NECTIN1: variants seen among roughly 807,000 people sequenced by gnomAD.
NECTIN1 encodes the protein nectin cell adhesion molecule 1.
Under a neutral mutation model 48.0 loss-of-function variants are expected in NECTIN1, and 23 were observed. That is an observed-to-expected ratio of 0.48 (90% CI 0.34 to 0.68). The LOEUF (loss-of-function observed/expected upper bound fraction) is 0.68. NECTIN1 is among the 30% of genes least tolerant of loss of function. The pLI, the probability that NECTIN1 is intolerant of heterozygous loss-of-function variation, is 0.01. For missense variants in NECTIN1, 591 were observed against 709.9 expected (o/e 0.83, Z 1.90); for synonymous variants, 270 against 288.9 (o/e 0.93, Z 0.66).
At position 119,678,339 on chromosome 11, in the gene NECTIN1, G is replaced by A; in HGVS notation, c.430+76C>T. On this transcript the variant is annotated intron_variant, in intron 2 of 5. Transcript: ENST00000264025. The surrounding 1 kb of genome is among the most constrained non-coding windows in gnomAD (Gnocchi z 4.4). ...CCCAAGGGGGATGTCTGGGGTCATT[G>A]AGGCATCCTGAGGATGGCCACGCCC... 2.2e-6 allele frequency: 3 copies of A among 1,339,240 alleles called. No homozygotes were observed. Among genetic ancestry groups the A allele is most frequent in the Non-Finnish European group, 3.2e-6 (3 of 933,822 alleles). The allele number at this position is 1,339,240 out of a possible 1,614,324, so 83.0% of individuals were successfully genotyped here.
At chr11:119,681,637 C>T (rs1043963177) in intron 1 of NECTIN1, among the ~76,000 whole-genome samples, 4 of 152,116 alleles carry the variant, frequency 2.6e-5, no homozygotes, top group African/African-American at 7.2e-5. Context: ...CCCAGAGGCC[C>T]CCTTACATCT....
At chr11:119,726,252 G>A (rs1397111035) in intron 1 of NECTIN1, among the ~76,000 whole-genome samples, 1 of 152,180 alleles carries the variant, frequency 6.6e-6, no homozygotes, top group Non-Finnish European at 1.5e-5. Context: ...AAGCCAGCAG[G>A]TGATGCAAAG....
intron 1 of NECTIN1, among the ~76,000 whole-genome samples, chr11:119,702,019 T>A (rs928361015): frequency 1.3e-5 from 2 of 152,248 alleles, no homozygotes; most frequent in Non-Finnish European, 2.9e-5. Context: ...CGGCCTGCCC[T>A]GCTCTGGGAA....
At chr11:119,675,662 C>G (rs2135549919) in intron 4 of NECTIN1, 1 of 279,102 alleles carries the variant, frequency 3.6e-6, no homozygotes, top group Middle Eastern at 1.3e-3. Flanking sequence ...TTTCTACTTT[C>G]CATTCACGTC....
Position 119,664,993 on chromosome 11 carries a change from A to C in NECTIN1, c.1308T>G (p.Tyr436Ter), listed in dbSNP as rs775628224. The change falls in exon 6 of 6, where the codon TAT becomes TAG. Residue 436 changes from tyrosine (Y) to a stop codon, truncating the protein, a stop_gained. Transcript: ENST00000264025. LOFTEE classifies it high-confidence loss of function. ...KKAGPLGGSSYEEEEEEEEGG... is the reference protein window; with the variant it reads ...KKAGPLGGSS ...CCTCCTCCTCCTCCTCCTCCTCCTC[A>C]TAGCTGCTTCCACCCAGTGGGCCGG... The C allele has an allele frequency of 6.2e-7, 1 of 1,608,426 alleles. No individual in the cohort carries two copies. The highest frequency in any genetic ancestry group is 8.5e-7 in the Non-Finnish European group (1 of 1,176,158).
At chr11:119,685,243 G>A (rs1051073779) in intron 1 of NECTIN1, among the ~76,000 whole-genome samples, 1 of 152,234 alleles carries the variant, frequency 6.6e-6, no homozygotes, top group South Asian at 2.1e-4. Context: ...CCTCCTTTGG[G>A]GTCACAAAAA....
rs1433163415 is a variant in NECTIN1, at chr11:119,673,235, G to T, written c.1003+1924C>A. 6.6e-6 allele frequency among the ~76,000 whole-genome samples: 1 copy of T among 152,124 alleles called. No individual in the cohort carries two copies. The highest frequency in any genetic ancestry group is 1.5e-5 in the Non-Finnish European group (1 of 68,022). On this transcript the variant is annotated intron_variant, in intron 5 of 5. Transcript: ENST00000264025. The surrounding 1 kb of genome is among the most constrained non-coding windows in gnomAD (Gnocchi z 5.8). ...CACAAGAACAAACAGCCCTGAGAAG[G>T]CTCAGGCCAACTCCCTGAGTCCTCT...
chr11:119,648,231 G>A (rs921637200), intron 5 of NECTIN1, among the ~76,000 whole-genome samples: 1 of 114,898 alleles, frequency 8.7e-6, no homozygotes, highest in Non-Finnish European at 1.9e-5. Context: ...CAGTGATGAT[G>A]GTGGTGATAG....
downstream of NECTIN1, among the ~76,000 whole-genome samples, chr11:119,660,410 C>G (rs1489065849): frequency 4.7e-5 from 7 of 150,358 alleles, no homozygotes; most frequent in African/African-American, 1.7e-4. Flanking sequence ...TGGGGGGGTA[C>G]AGGAGGGGTG....
In NECTIN1 at chr11:119,638,597, C is replaced by A; in HGVS notation, c.1227+134G>T. The A allele has an allele frequency of 3.5e-6, 3 of 857,066 alleles. 1 individual carries two copies. The allele number at this position is 857,066 out of a possible 1,614,324, so 53.1% of individuals were successfully genotyped here. A position where few individuals can be genotyped will look rare whatever the true frequency, so the allele number is the denominator to read the frequency against. On this transcript the variant is annotated intron_variant, in intron 7 of 7. Transcript: ENST00000341398. ...GGCAGATGGATCCCTCTAGCATGGA[C>A]CTGGCCTTGTGGGAACTGGACCATG...
rs1591449593 is a variant in NECTIN1, at chr11:119,665,433, C to A, written c.1004-136G>T. On this transcript the variant is annotated intron_variant, in intron 5 of 5. Transcript: ENST00000264025. The surrounding 1 kb of genome is among the most constrained non-coding windows in gnomAD (Gnocchi z 5.1). ...ACCCCAGGTTTGAGCAGCTCCAGTT[C>A]GAGGCCCCGCAGCACTCCACCCATC... 4 of 1,415,398 alleles carry A rather than the reference C, an allele frequency of 2.8e-6. No individual in the cohort carries two copies. Among genetic ancestry groups the A allele is most frequent in the Non-Finnish European group, 3.7e-6 (4 of 1,079,804 alleles). 87.7% of individuals were successfully genotyped at this position (1,415,398 alleles called of 1,614,324 possible). A position where few individuals can be genotyped will look rare whatever the true frequency, so the allele number is the denominator to read the frequency against.
chr11:119,694,516 C>A (rs1355222541), intron 1 of NECTIN1, among the ~76,000 whole-genome samples: 5 of 152,152 alleles, frequency 3.3e-5, no homozygotes, highest in Admixed American at 1.3e-4. Context: ...AGGCCTGGGT[C>A]CCCTGGAAGC....
At chr11:119,703,888 G>A (rs545678600) in intron 1 of NECTIN1, among the ~76,000 whole-genome samples, 17 of 152,314 alleles carry the variant, frequency 1.1e-4, no homozygotes, top group Admixed American at 7.8e-4. Context: ...CTGCATCCAG[G>A]ATGCCGGGCT....
At chr11:119,682,250 C>T (rs962327965) in intron 1 of NECTIN1, among the ~76,000 whole-genome samples, 11 of 152,078 alleles carry the variant, frequency 7.2e-5, no homozygotes, top group African/African-American at 2.4e-4. Context: ...GCAGGGATCA[C>T]CACCGGAAAG....
downstream of NECTIN1, among the ~76,000 whole-genome samples, chr11:119,658,327 C>T (rs537751629): frequency 2.0e-5 from 3 of 152,200 alleles, no homozygotes; most frequent in East Asian, 5.8e-4. Context: ...GGAGTGGAAC[C>T]GCAGTCCCCC....
intron 5 of NECTIN1, among the ~76,000 whole-genome samples, chr11:119,651,000 G>T (rs906556022): frequency 1.3e-5 from 2 of 152,172 alleles, no homozygotes; most frequent in Non-Finnish European, 2.9e-5. Context: ...AATGATCTTT[G>T]AGGTTCCATC....
chr11:119,645,633 C>T (rs1864387822), intron 5 of NECTIN1, among the ~76,000 whole-genome samples: 1 of 152,206 alleles, frequency 6.6e-6, no homozygotes, highest in African/African-American at 2.4e-5. Flanking sequence ...TTGTCCCACA[C>T]ATGCCTTGCT....
chr11:119,663,417 C>G lies in NECTIN1; in HGVS notation c.*1330G>C, dbSNP rs891490437. 4.2e-5 allele frequency: 41 copies of G among 985,368 alleles called. No homozygotes were observed. In the African/African-American group the frequency reaches 6.5e-4, roughly 16 times the overall value. 61.0% of individuals were successfully genotyped at this position (985,368 alleles called of 1,614,324 possible). ...GAATCTGCACTGAAAGGGAGGGCTTCTCCTAGGCCCTCCCCTCATCCCAGA... is the reference window on the plus strand; with the variant it reads ...GAATCTGCACTGAAAGGGAGGGCTTGTCCTAGGCCCTCCCCTCATCCCAGA... On this transcript the variant is annotated 3_prime_UTR_variant, in exon 6 of 6. Coordinates refer to ENST00000264025, the MANE Select transcript of NECTIN1 (RefSeq NM_002855.5).
At chr11:119,675,077 G>T in intron 5 of NECTIN1, 82 bp downstream of exon 5, 1 of 1,476,900 alleles carries the variant, frequency 6.8e-7, no homozygotes, top group Non-Finnish European at 9.4e-7. Flanking sequence ...TCTTCCTGCA[G>T]TGGCATTGCT....
Sources: gnomAD v4.1 joint callset for allele counts (sites outside exome capture counted in the v4.1 genomes callset) on GRCh38, gnomAD v4.1.1 for gene constraint, Gnocchi (gnomAD v3.1) non-coding constraint, MANE v1.5 for transcripts, NCBI Gene and HGNC (gene_info 2026-07-23, HGNC 2026-07-21) for gene names.